The following EFNA5 variants were observed in gnomAD, a reference collection of about 807,000 sequenced individuals.
EFNA5 encodes ephrin A5, also known as ephrin-A5.
In EFNA5, 5 loss-of-function variants were observed where a neutral mutation model predicts 22.9. The ratio of observed to expected loss-of-function variants is 0.22; its 90% CI spans 0.11 to 0.46. The LOEUF (loss-of-function observed/expected upper bound fraction) is 0.46. EFNA5 is among the 20% of genes least tolerant of loss of function. The pLI, the probability that EFNA5 is intolerant of heterozygous loss-of-function variation, is 0.99. For synonymous variants in EFNA5, 113 were observed against 112.2 expected (o/e 1.01, Z -0.04); for missense variants, 237 against 293.3 (o/e 0.81, Z 1.40).
At chr5:107,613,646 C>T (rs1295278541) in intron 1 of EFNA5, among the ~76,000 whole-genome samples, 1 of 152,010 alleles carries the variant, frequency 6.6e-6, no homozygotes, top group Non-Finnish European at 1.5e-5. Flanking sequence ...AGTTACATTG[C>T]TAAGTTAAAA....
chr5:107,434,806 G>T (rs988814600), intron 1 of EFNA5, among the ~76,000 whole-genome samples: 2 of 152,130 alleles, frequency 1.3e-5, no homozygotes, highest in Admixed American at 6.6e-5. Flanking sequence ...TCATGAACTG[G>T]ATAGTTGATT....
At chr5:107,439,888 T>C (rs184063796) in intron 1 of EFNA5, among the ~76,000 whole-genome samples, 555 of 152,288 alleles carry the variant, frequency 3.6e-3, no homozygotes, top group Non-Finnish European at 6.1e-3. Context: ...TCAACAATTG[T>C]ATTAAGTGCA....
intron 2 of EFNA5, among the ~76,000 whole-genome samples, chr5:107,405,018 T>C (rs949559056): frequency 6.6e-6 from 1 of 152,222 alleles, no homozygotes; most frequent in African/African-American, 2.4e-5. Flanking sequence ...CAAGCTACAG[T>C]AGGACTTTAT....
chr5:107,426,898 A>AT lies in EFNA5; in HGVS notation c.418+318dup, dbSNP rs199549658. ...TATGTAAATTTAATTATTTCCTTTA[A>AT]TTTTTTTTTCAGGAGTCTTTTTTTC... On this transcript the variant is annotated intron_variant, in intron 2 of 4. Coordinates refer to ENST00000333274, the MANE Select transcript of EFNA5 (RefSeq NM_001962.3). 1,571 of 266,926 alleles carry AT rather than the reference A, an allele frequency of 5.9e-3. 3 individuals carry two copies. The highest frequency in any genetic ancestry group is 8.2e-3 in the Non-Finnish European group (1,156 of 140,300). 16.5% of individuals were successfully genotyped at this position (266,926 alleles called of 1,614,324 possible).
intron 1 of EFNA5, among the ~76,000 whole-genome samples, chr5:107,454,765 T>C (rs1021212799): frequency 6.6e-6 from 1 of 152,134 alleles, no homozygotes; most frequent in Non-Finnish European, 1.5e-5. Context: ...TATTTAGATA[T>C]AGGCAGGGAG....
At chr5:107,438,300 T>G (rs1042146281) in intron 1 of EFNA5, among the ~76,000 whole-genome samples, 6 of 152,154 alleles carry the variant, frequency 3.9e-5, no homozygotes, top group African/African-American at 1.4e-4. Context: ...CCCATTGCCA[T>G]CCCAATTACA....
At chr5:107,627,624 A>C (rs1427072278) in intron 1 of EFNA5, among the ~76,000 whole-genome samples, 2 of 145,738 alleles carry the variant, frequency 1.4e-5, no homozygotes, top group Admixed American at 6.9e-5. Flanking sequence ...TGACAGATCA[A>C]GACCACATCT....
chr5:107,622,971 A>C (rs1353856838), intron 1 of EFNA5, among the ~76,000 whole-genome samples: 1 of 130,802 alleles, frequency 7.6e-6, no homozygotes, highest in Non-Finnish European at 1.6e-5. Flanking sequence ...CAGTGAGCCG[A>C]GATTGCGCCA....
Position 107,511,906 on chromosome 5 carries a change from A to T in EFNA5, c.126-84397T>A, listed in dbSNP as rs78053215. Among the ~76,000 whole-genome samples, 441 of 152,318 alleles carry T rather than the reference A, an allele frequency of 2.9e-3. 2 individuals carry two copies. Among genetic ancestry groups the T allele is most frequent in the Non-Finnish European group, 4.3e-3 (294 of 68,024 alleles). On this transcript the variant is annotated intron_variant, in intron 1 of 4. Coordinates refer to ENST00000333274, the MANE Select transcript of EFNA5 (RefSeq NM_001962.3). Reference sequence around the variant, plus strand: ...TTATAGCCCTGCCTACTCACAATGCATTCCCCCAAATTTTCATTAGCTTAC... The same window carrying T: ...TTATAGCCCTGCCTACTCACAATGCTTTCCCCCAAATTTTCATTAGCTTAC...
intron 1 of EFNA5, among the ~76,000 whole-genome samples, chr5:107,659,781 A>T (rs1225947563): frequency 6.6e-6 from 1 of 152,118 alleles, no homozygotes; most frequent in African/African-American, 2.4e-5. Context: ...AAATAACGAG[A>T]TATTCAGACT....
intron 1 of EFNA5, among the ~76,000 whole-genome samples, chr5:107,534,557 TTTC>T (rs1747892035): frequency 6.6e-6 from 1 of 152,224 alleles, no homozygotes; most frequent in African/African-American, 2.4e-5. Context: ...TTCAGAGGCT[TTTC>T]TTCTTTTTAG....
intron 1 of EFNA5, among the ~76,000 whole-genome samples, chr5:107,664,832 C>T (rs907887365): frequency 4.6e-5 from 7 of 152,230 alleles, no homozygotes; most frequent in African/African-American, 1.7e-4. Flanking sequence ...AGTTTGTATA[C>T]TGCTTCTGAA....
At chr5:107,617,273 G>C (rs1429546665) in intron 1 of EFNA5, among the ~76,000 whole-genome samples, 1 of 149,704 alleles carries the variant, frequency 6.7e-6, no homozygotes, top group African/African-American at 2.5e-5. Context: ...GAGAGAGAGA[G>C]AACCACAGAG....
intron 1 of EFNA5, among the ~76,000 whole-genome samples, chr5:107,561,747 T>C (rs1748549361): frequency 6.6e-6 from 1 of 152,228 alleles, no homozygotes; most frequent in Non-Finnish European, 1.5e-5. Flanking sequence ...AACAGGAGAC[T>C]AAATGCCAAA....
At chr5:107,434,208 G>A (rs1254127131) in intron 1 of EFNA5, among the ~76,000 whole-genome samples, 2 of 152,184 alleles carry the variant, frequency 1.3e-5, no homozygotes, top group Admixed American at 1.3e-4. Flanking sequence ...AGTCTCAAGT[G>A]TAAGTTCTCA....
intron 1 of EFNA5, among the ~76,000 whole-genome samples, chr5:107,563,920 C>T (rs528285673): frequency 6.6e-6 from 1 of 152,316 alleles, no homozygotes; most frequent in East Asian, 1.9e-4. Flanking sequence ...CATCAGAACC[C>T]TCCCTCTACC....
chr5:107,520,561 G>A (rs1325498158), intron 1 of EFNA5, among the ~76,000 whole-genome samples: 2 of 152,146 alleles, frequency 1.3e-5, no homozygotes, highest in Admixed American at 6.5e-5. Context: ...TAACTATTCT[G>A]TCTTTCATCT....
intron 1 of EFNA5, among the ~76,000 whole-genome samples, chr5:107,463,940 G>T (rs1374193220): frequency 2.0e-5 from 3 of 152,152 alleles, no homozygotes; most frequent in Non-Finnish European, 4.4e-5. Context: ...GTGGCATCAA[G>T]TACCTCATAT....
At chr5:107,499,250 T>C (rs903299660) in intron 1 of EFNA5, among the ~76,000 whole-genome samples, 1 of 152,146 alleles carries the variant, frequency 6.6e-6, no homozygotes, top group African/African-American at 2.4e-5. Context: ...TGCACAACAA[T>C]AAACCTGCCC....
Sources: allele counts gnomAD v4.1 joint callset (sites outside exome capture counted in the v4.1 genomes callset), GRCh38; gene constraint gnomAD v4.1.1; transcripts MANE v1.5; gene names NCBI Gene and HGNC (gene_info 2026-07-23, HGNC 2026-07-21).